ZBTB20: variants seen among roughly 807,000 people sequenced by gnomAD.
ZBTB20 encodes the protein zinc finger and BTB domain containing 20.
In ZBTB20, 9 loss-of-function variants were observed where a neutral mutation model predicts 56.9. That is an observed-to-expected ratio of 0.16 (90% CI 0.10 to 0.28). The LOEUF is 0.28. Among genes scored for constraint, ZBTB20 ranks in the 10% least tolerant of loss-of-function variants. The pLI, the probability that ZBTB20 is intolerant of heterozygous loss-of-function variation, is 1.00. For synonymous variants in ZBTB20, 417 were observed against 420.7 expected, an observed-to-expected ratio of 0.99 and a Z score of 0.11; for missense variants, 655 against 1,003.0, an observed-to-expected ratio of 0.65 and a Z score of 4.69.
intron 6 of ZBTB20, among the ~76,000 whole-genome samples, chr3:114,570,211 G>A (rs2053264981): frequency 6.6e-6 from 1 of 150,838 alleles, no homozygotes; most frequent in African/African-American, 2.4e-5. Flanking sequence ...AATAACCTCT[G>A]GGAAAGTGAG....
chr3:115,004,535 C>T (rs1291178855), intron 2 of ZBTB20, among the ~76,000 whole-genome samples: 1 of 151,572 alleles, frequency 6.6e-6, no homozygotes, highest in Non-Finnish European at 1.5e-5. Context: ...TTTCTTTGTT[C>T]AGTTTTATAC....
chr3:114,510,509 T>C (rs1398128244), intron 6 of ZBTB20, among the ~76,000 whole-genome samples: 5 of 151,936 alleles, frequency 3.3e-5, no homozygotes, highest in Non-Finnish European at 5.9e-5. Context: ...TTTTTTTTTT[T>C]CTCATTTCAC....
At chr3:115,007,183 T>C (rs943883712) in intron 2 of ZBTB20, among the ~76,000 whole-genome samples, 3 of 151,828 alleles carry the variant, frequency 2.0e-5, no homozygotes, top group Admixed American at 2.0e-4. Context: ...TCCTTTACTT[T>C]TTCTTGAGTC....
At chr3:114,747,240 G>A (rs1025453385) in intron 5 of ZBTB20, among the ~76,000 whole-genome samples, 1 of 152,150 alleles carries the variant, frequency 6.6e-6, no homozygotes, top group Non-Finnish European at 1.5e-5. Context: ...AGATCCTTGG[G>A]ATTAACAGAA....
At chr3:114,771,845 C>T (rs1560231492) in intron 5 of ZBTB20, among the ~76,000 whole-genome samples, 2 of 152,270 alleles carry the variant, frequency 1.3e-5, no homozygotes, top group East Asian at 3.9e-4. Context: ...GAACTTTCCT[C>T]TTCATTTTCA....
At chr3:115,122,678 A>G (rs768459799) in intron 1 of ZBTB20, among the ~76,000 whole-genome samples, 6 of 152,080 alleles carry the variant, frequency 3.9e-5, no homozygotes, top group Non-Finnish European at 7.4e-5. Flanking sequence ...GACTTTCTAT[A>G]TATTAATCCT....
intron 1 of ZBTB20, among the ~76,000 whole-genome samples, chr3:115,094,543 T>C (rs1040414897): frequency 3.6e-5 from 5 of 138,136 alleles, no homozygotes; most frequent in Non-Finnish European, 6.3e-5. Context: ...TAGTAATAGC[T>C]TTTTTTTTTT....
chr3:114,603,920 A>G (rs761904243), intron 6 of ZBTB20, among the ~76,000 whole-genome samples: 14 of 152,026 alleles, frequency 9.2e-5, no homozygotes, highest in African/African-American at 1.4e-4. Context: ...AGGCTTGGGT[A>G]AAAAGGTACT....
At chr3:114,802,356 G>C (rs1225533605) in intron 4 of ZBTB20, among the ~76,000 whole-genome samples, 2 of 151,688 alleles carry the variant, frequency 1.3e-5, no homozygotes, top group Non-Finnish European at 2.9e-5. Flanking sequence ...TGGGATTCCT[G>C]TTTTCTTTTT....
chr3:115,024,595 G>A (rs2080343205), intron 2 of ZBTB20, among the ~76,000 whole-genome samples: 1 of 151,080 alleles, frequency 6.6e-6, no homozygotes, highest in Non-Finnish European at 1.5e-5. Context: ...GATATTAAAA[G>A]AGTAAAGCAT....
At chr3:114,519,509 C>T (rs1171550213) in intron 6 of ZBTB20, 1 of 152,162 alleles carries the variant, frequency 6.6e-6, no homozygotes, top group African/African-American at 2.4e-5. Context: ...CCCTCCTTGC[C>T]CTGCATATTA....
intron 2 of ZBTB20, among the ~76,000 whole-genome samples, chr3:115,016,916 A>AT (rs2079987887): frequency 6.6e-6 from 1 of 151,748 alleles, no homozygotes; most frequent in Non-Finnish European, 1.5e-5. Context: ...ACAAACCCAC[A>AT]GCCAATATCA....
At position 114,733,369 on chromosome 3, in the gene ZBTB20, A is replaced by C. The variant is rs929597618; in HGVS notation, c.-342-39794T>G. Reference sequence around the variant, plus strand: ...AGCTGCAGAGTGTGCCTGCTTCTGCACAAGTTTTTCTAGTTCCGGTTGCTC... The same window carrying C: ...AGCTGCAGAGTGTGCCTGCTTCTGCCCAAGTTTTTCTAGTTCCGGTTGCTC... On this transcript the variant is annotated intron_variant, in intron 5 of 11. Coordinates refer to ENST00000675478, the MANE Select transcript of ZBTB20 (RefSeq NM_001348800.3). 3.9e-5 allele frequency among the ~76,000 whole-genome samples: 6 copies of C among 152,308 alleles called. No homozygotes were observed. The East Asian group carries it at 1.2e-3, about 29-fold the overall frequency.
intron 1 of ZBTB20, among the ~76,000 whole-genome samples, chr3:115,120,258 A>G (rs2084145174): frequency 6.6e-6 from 1 of 152,110 alleles, no homozygotes; most frequent in Non-Finnish European, 1.5e-5. Flanking sequence ...CTAATGGTGG[A>G]GGCTATGTAT....
At chr3:114,754,419 G>A (rs2067843813) in intron 5 of ZBTB20, among the ~76,000 whole-genome samples, 2 of 152,140 alleles carry the variant, frequency 1.3e-5, no homozygotes, top group South Asian at 2.1e-4. Context: ...TGGGGAGGAG[G>A]AAGACCCTAC....
At chr3:114,346,872 G>C (rs2080228682) in intron 11 of ZBTB20, among the ~76,000 whole-genome samples, 1 of 151,384 alleles carries the variant, frequency 6.6e-6, no homozygotes, top group Non-Finnish European at 1.5e-5. Context: ...TTTTTGTAGA[G>C]CTGGGGTCTT....
chr3:114,815,687 G>A (rs1425489477), intron 4 of ZBTB20, among the ~76,000 whole-genome samples: 1 of 151,866 alleles, frequency 6.6e-6, no homozygotes, highest in Admixed American at 6.6e-5. Context: ...CATGAATTTG[G>A]TTTTATTCAA....
chr3:115,032,739 G>A (rs1391875298), intron 2 of ZBTB20, among the ~76,000 whole-genome samples: 3 of 150,964 alleles, frequency 2.0e-5, no homozygotes, highest in Non-Finnish European at 4.5e-5. Flanking sequence ...GTAACAAAAT[G>A]AAAACAGTTA....
rs142153634 is a variant in ZBTB20 at position 115,006,460 on chromosome 3, G to GATATATATATATATATATATAT, written c.-506-32045_-506-32044insATATATATATATATATATATAT. On this transcript the variant is annotated intron_variant, in intron 2 of 11. Transcript: ENST00000675478. ...TATAGTCATAAAATTTATCCAGTTGGATATATATATATATATATATAACCA... is the reference window on the plus strand; with the variant it reads ...TATAGTCATAAAATTTATCCAGTTGGATATATATATATATATATATATATATATATATATATATATATAACCA... Among the ~76,000 whole-genome samples, 79 of 144,346 alleles carry GATATATATATATATATATATAT rather than the reference G, an allele frequency of 5.5e-4. 1 individual carries two copies. The highest frequency in any genetic ancestry group is 1.9e-3 in the African/African-American group (75 of 39,206). 94.7% of individuals were successfully genotyped at this position (144,346 alleles called of 152,430 possible).
Sources: gnomAD v4.1 joint callset for allele counts (sites outside exome capture counted in the v4.1 genomes callset) on GRCh38, gnomAD v4.1.1 for gene constraint, MANE v1.5 for transcripts, NCBI Gene and HGNC (gene_info 2026-07-23, HGNC 2026-07-21) for gene names.